Variants in NLGN1 observed in about 807,000 individuals in gnomAD.
NLGN1 encodes neuroligin 1, also known as neuroligin-1.
A neutral mutation model predicts 65.5 loss-of-function variants in NLGN1; 12 were observed. The observed-to-expected ratio is 0.18, with a 90% CI of 0.12 to 0.30. NLGN1 has a LOEUF of 0.30. Ranked by LOEUF, NLGN1 falls within the 10% of genes least tolerant of loss-of-function variation. The pLI, the probability that NLGN1 is intolerant of heterozygous loss-of-function variation, is 1.00. For synonymous variants in NLGN1, 350 were observed against 359.5 expected (o/e 0.97, Z 0.30); for missense variants, 750 against 1,007.1 (o/e 0.74, Z 3.46).
At chr3:174,286,786 A>C (rs965917477), downstream of NLGN1, 1 of 151,574 alleles carries the variant, frequency 6.6e-6, no homozygotes, top group Admixed American at 6.6e-5. Context: ...AGAAACAATG[A>C]CATTTTATGA....
intron 2 of NLGN1, among the ~76,000 whole-genome samples, chr3:173,473,020 G>A (rs1725561913): frequency 6.6e-6 from 1 of 152,092 alleles, no homozygotes; most frequent in Non-Finnish European, 1.5e-5. Context: ...TAAATATATT[G>A]AGGAATCAAA....
At chr3:174,025,516 A>G (rs1728660605) in intron 4 of NLGN1, among the ~76,000 whole-genome samples, 1 of 152,330 alleles carries the variant, frequency 6.6e-6, no homozygotes, top group South Asian at 2.1e-4. Context: ...ACCAACAACA[A>G]TAATTTTTAG....
intron 2 of NLGN1, among the ~76,000 whole-genome samples, chr3:173,479,891 T>G (rs1456747754): frequency 1.3e-5 from 2 of 151,790 alleles, no homozygotes; most frequent in Non-Finnish European, 2.9e-5. Context: ...TTTTGTAGAG[T>G]TGTAAAGTAG....
At chr3:173,755,441 G>T (rs1480155947) in intron 3 of NLGN1, among the ~76,000 whole-genome samples, 3 of 152,088 alleles carry the variant, frequency 2.0e-5, no homozygotes, top group Non-Finnish European at 2.9e-5. Context: ...TTAAAGGAAA[G>T]AAATATAATT....
chr3:173,983,358 G>A (rs1719182368), intron 4 of NLGN1, among the ~76,000 whole-genome samples: 1 of 152,168 alleles, frequency 6.6e-6, no homozygotes, highest in African/African-American at 2.4e-5. Context: ...TATATGGGCT[G>A]TAAGTAAAGG....
At chr3:173,618,993 C>T (rs938461046) in intron 3 of NLGN1, among the ~76,000 whole-genome samples, 1 of 152,128 alleles carries the variant, frequency 6.6e-6, no homozygotes, top group African/African-American at 2.4e-5. Flanking sequence ...AATGGCCTCA[C>T]CCTTGGTTAA....
chr3:173,761,689 C>G (rs1037920876), intron 3 of NLGN1, among the ~76,000 whole-genome samples: 11 of 152,154 alleles, frequency 7.2e-5, no homozygotes, highest in African/African-American at 2.6e-4. Context: ...AATATTTCTT[C>G]TAGTCTGGTA....
chr3:173,933,975 C>G (rs1232526969), intron 4 of NLGN1, among the ~76,000 whole-genome samples: 6 of 151,522 alleles, frequency 4.0e-5, no homozygotes, highest in Admixed American at 1.3e-4. Flanking sequence ...AGAAATATTC[C>G]TCTCATTGAA....
At chr3:173,715,355 A>G (rs940310255) in intron 3 of NLGN1, among the ~76,000 whole-genome samples, 35 of 152,194 alleles carry the variant, frequency 2.3e-4, no homozygotes, top group African/African-American at 7.0e-4. Flanking sequence ...CTTGAAATGC[A>G]TTGTTAAGTC....
intron 2 of NLGN1, among the ~76,000 whole-genome samples, chr3:173,599,915 T>G (rs1750148985): frequency 6.6e-6 from 1 of 152,154 alleles, no homozygotes; most frequent in Admixed American, 6.6e-5. Flanking sequence ...TTGCTCTGCC[T>G]TCTTGTTTCT....
At chr3:174,005,648 T>G (rs1724210691) in intron 4 of NLGN1, among the ~76,000 whole-genome samples, 1 of 152,120 alleles carries the variant, frequency 6.6e-6, no homozygotes, top group South Asian at 2.1e-4. Flanking sequence ...GACACAATAC[T>G]GTGTTCATGC....
intron 2 of NLGN1, among the ~76,000 whole-genome samples, chr3:173,539,242 G>A (rs982971609): frequency 6.6e-6 from 1 of 151,788 alleles, no homozygotes; most frequent in African/African-American, 2.4e-5. Flanking sequence ...TAGTAGGAAA[G>A]TCTCCATTAG....
intron 2 of NLGN1, among the ~76,000 whole-genome samples, chr3:173,580,273 A>T (rs1212998830): frequency 1.3e-5 from 2 of 152,178 alleles, no homozygotes; most frequent in Non-Finnish European, 2.9e-5. Context: ...TTTGGTATAG[A>T]AACCAAAATA....
chr3:173,913,981 G>A (rs1740199776), intron 4 of NLGN1, among the ~76,000 whole-genome samples: 2 of 152,118 alleles, frequency 1.3e-5, no homozygotes, highest in Admixed American at 1.3e-4. Flanking sequence ...CTCAAAACAA[G>A]GAAATGACAT....
At chr3:173,935,614 ACACACACACTCT>A (rs1744905072) in intron 4 of NLGN1, among the ~76,000 whole-genome samples, 1 of 116,108 alleles carries the variant, frequency 8.6e-6, no homozygotes, top group Admixed American at 8.8e-5. Context: ...ACACACACAC[ACACACACACTCT>A]CTCTCTCTCT....
At chr3:173,629,256 A>G (rs918617631) in intron 3 of NLGN1, among the ~76,000 whole-genome samples, 6 of 151,870 alleles carry the variant, frequency 4.0e-5, no homozygotes, top group East Asian at 1.9e-4. Context: ...TTTAATCTTC[A>G]TTAGGCTGGC....
chr3:174,272,721 A>AT (rs1749697765), intron 4 of NLGN1, among the ~76,000 whole-genome samples: 1 of 150,718 alleles, frequency 6.6e-6, no homozygotes, highest in Admixed American at 6.7e-5. Context: ...AGATAGATAG[A>AT]AAGATAGATA....
intron 3 of NLGN1, among the ~76,000 whole-genome samples, chr3:173,641,493 C>T (rs949678074): frequency 3.3e-5 from 5 of 152,220 alleles, no homozygotes; most frequent in Admixed American, 2.0e-4. Flanking sequence ...GACAGGGTTT[C>T]GCCATGTTGG....
intron 4 of NLGN1, among the ~76,000 whole-genome samples, chr3:174,214,889 G>A (rs1737320829): frequency 6.6e-6 from 1 of 151,898 alleles, no homozygotes. Flanking sequence ...AAACTTATAT[G>A]TTATTGTCTA....
Sources: allele counts gnomAD v4.1 joint callset (sites outside exome capture counted in the v4.1 genomes callset), GRCh38; gene constraint gnomAD v4.1.1; transcripts MANE v1.5; gene names NCBI Gene and HGNC (gene_info 2026-07-23, HGNC 2026-07-21).